The following A1CF variants were observed in gnomAD, a reference collection of about 807,000 sequenced individuals.
A1CF encodes the protein APOBEC-1 stimulating protein.
In A1CF, 48 loss-of-function variants were observed where a neutral mutation model predicts 68.9. The observed-to-expected ratio is 0.70, with a 90% confidence interval of 0.55 to 0.89. The LOEUF is 0.89. A1CF is among the 40% of genes least tolerant of loss of function. The pLI is 0.00. For synonymous variants in A1CF, 272 were observed against 260.4 expected (o/e 1.04, Z -0.43); for missense variants, 653 against 718.9 (o/e 0.91, Z 1.05).
At position 50,874,995 on chromosome 10, in the gene A1CF, C is replaced by G. The variant is rs866933058; in HGVS notation, c.-94+10586G>C. ...AAGCTTCTCAGGTGATAACAATATG[C>G]AGTTGCATCTAGAACAGCTGACTGA... On this transcript the variant is annotated intron_variant, in intron 1 of 12. Transcript: ENST00000373997. Among the ~76,000 whole-genome samples the G allele has an allele frequency of 2.6e-5, 4 of 152,148 alleles. No homozygotes were observed. The South Asian group carries it at 8.3e-4, about 32-fold the overall frequency.
chr10:50,852,043 A>G (rs1302481493), intron 3 of A1CF, among the ~76,000 whole-genome samples: 1 of 152,232 alleles, frequency 6.6e-6, no homozygotes, highest in Non-Finnish European at 1.5e-5. Flanking sequence ...ACTTTAAGAA[A>G]AAGTGTGAAT....
chr10:50,835,953 T>TA, intron 6 of A1CF, 121 bp downstream of exon 6: 5 of 921,536 alleles, frequency 5.4e-6, no homozygotes, highest in Non-Finnish European at 8.1e-6. Flanking sequence ...TGAAGAAGGA[T>TA]AAAAAATTTA....
chr10:50,866,446 A>G lies in A1CF; in HGVS notation c.-93-2366T>C, dbSNP rs567978467. Among the ~76,000 whole-genome samples the G allele has an allele frequency of 3.5e-3, 527 of 152,308 alleles. 1 individual carries two copies. Among genetic ancestry groups the G allele is most frequent in the Middle Eastern group, 6.8e-3 (2 of 294 alleles). On this transcript the variant is annotated intron_variant, in intron 1 of 12. Coordinates refer to ENST00000373997, the MANE Select transcript of A1CF (RefSeq NM_014576.4). Reference sequence around the variant, plus strand: ...CTCGTCACTTGGCTGCAGCTGCTCAATGGAAATTGCCATAGTTCACTATTG... The same window carrying G: ...CTCGTCACTTGGCTGCAGCTGCTCAGTGGAAATTGCCATAGTTCACTATTG...
At chr10:50,850,403 G>A (rs1015813951) in intron 3 of A1CF, among the ~76,000 whole-genome samples, 3 of 152,132 alleles carry the variant, frequency 2.0e-5, no homozygotes, top group African/African-American at 7.2e-5. Flanking sequence ...GCATTCAAAA[G>A]CAAATAGGCT....
chr10:50,854,404 G>T (rs1018227699), intron 3 of A1CF, among the ~76,000 whole-genome samples: 1 of 151,862 alleles, frequency 6.6e-6, no homozygotes, highest in African/African-American at 2.4e-5. Flanking sequence ...ATATAAGAAT[G>T]ATCATAATTT....
At chr10:50,808,105 A>G (rs10740043) in intron 12 of A1CF, among the ~76,000 whole-genome samples, 119,505 of 152,154 alleles carry the variant, frequency 0.79, 47,893 homozygotes, top group East Asian at 0.97. Flanking sequence ...GTGTGTGCAC[A>G]CATGCATGCA....
intron 3 of A1CF, among the ~76,000 whole-genome samples, chr10:50,855,203 C>A (rs1840422362): frequency 6.6e-6 from 1 of 151,764 alleles, no homozygotes; most frequent in Admixed American, 6.6e-5. Context: ...TTAATGCATT[C>A]TTGAGGAAAG....
intron 3 of A1CF, 95 bp from the exon 4 acceptor site, chr10:50,844,217 G>T (rs1319216439): frequency 7.2e-6 from 11 of 1,518,022 alleles, no homozygotes; most frequent in Non-Finnish European, 9.8e-6. Context: ...TCACATTAAT[G>T]AATGTATTTA....
intron 6 of A1CF, among the ~76,000 whole-genome samples, chr10:50,833,696 T>C (rs973048058): frequency 2.6e-5 from 4 of 152,170 alleles, no homozygotes; most frequent in Admixed American, 2.6e-4. Flanking sequence ...AATTCCTTTG[T>C]TGTGGGTGAG....
intron 8 of A1CF, among the ~76,000 whole-genome samples, chr10:50,818,111 T>C (rs1027632314): frequency 6.6e-6 from 1 of 152,190 alleles, no homozygotes; most frequent in Non-Finnish European, 1.5e-5. Context: ...GTTCTGCATA[T>C]GGCTGTCTCC....
Position 50,804,522 on chromosome 10 carries a change from T to C in A1CF, c.*2207A>G, listed in dbSNP as rs1256636390. On this transcript the variant is annotated 3_prime_UTR_variant, in exon 13 of 13. Transcript: ENST00000373997. ...CTCAGTAGAAATTTGCCTGCCCCAA[T>C]GGACATTTGTTATGTCAATGTAATC... is the stretch of plus-strand genomic sequence containing the variant. The C allele has an allele frequency of 1.3e-5, 2 of 152,200 alleles. No individual in the cohort carries two copies. Among genetic ancestry groups the C allele is most frequent in the Non-Finnish European group, 2.9e-5 (2 of 68,004 alleles). 9.4% of individuals were successfully genotyped at this position (152,200 alleles called of 1,614,324 possible).
At chr10:50,850,763 A>C (rs1840204407) in intron 3 of A1CF, 1 of 1,614,194 alleles carries the variant, frequency 6.2e-7, no homozygotes, top group East Asian at 2.2e-5. Flanking sequence ...GGCTCTGGGC[A>C]TGTGCCCAGA....
chr10:50,836,432 A>G, intron 5 of A1CF, 120 bp from the exon 6 acceptor site: 2 of 1,078,704 alleles, frequency 1.9e-6, no homozygotes, highest in Non-Finnish European at 2.6e-6. Context: ...TAGTGTTGAA[A>G]CCATTTTTGG....
At chr10:50,821,663 G>A (rs1838682248) in intron 7 of A1CF, among the ~76,000 whole-genome samples, 1 of 151,860 alleles carries the variant, frequency 6.6e-6, no homozygotes, top group East Asian at 1.9e-4. Context: ...AGCCTCCCGA[G>A]TAGCTGGGAT....
rs1837749607 is a variant in A1CF, at chr10:50,804,869, CT to C, written c.*1859del. 1 of 152,138 alleles carries C rather than the reference CT, an allele frequency of 6.6e-6. No individual in the cohort carries two copies. Among genetic ancestry groups the C allele is most frequent in the South Asian group, 2.1e-4 (1 of 4,828 alleles). 9.4% of individuals were successfully genotyped at this position (152,138 alleles called of 1,614,324 possible). Reference sequence around the variant, plus strand: ...ATCACCTAGGGATCATTAAAAAATACTGATGCCAGGCACCCATCCAAGGAAA... The same window carrying C: ...ATCACCTAGGGATCATTAAAAAATACGATGCCAGGCACCCATCCAAGGAAA... On this transcript the variant is annotated 3_prime_UTR_variant, in exon 13 of 13. Coordinates refer to ENST00000373997, the MANE Select transcript of A1CF (RefSeq NM_014576.4).
rs1371072924 is a variant in A1CF, at chr10:50,800,961, G to A, written c.*5768C>T. On this transcript the variant is annotated 3_prime_UTR_variant, in exon 13 of 13. Coordinates refer to ENST00000373997, the MANE Select transcript of A1CF (RefSeq NM_014576.4). ...AAGACCTGTCTGTTTTGGGATAGAA[G>A]TAACTCAACTCAAGGAAGAAAGAAA... 1 of 152,156 alleles carries A rather than the reference G, an allele frequency of 6.6e-6. No individual in the cohort carries two copies. The highest frequency in any genetic ancestry group is 1.5e-5 in the Non-Finnish European group (1 of 68,040). 9.4% of individuals were successfully genotyped at this position (152,156 alleles called of 1,614,324 possible).
intron 1 of A1CF, among the ~76,000 whole-genome samples, chr10:50,871,052 T>A (rs1041859312): frequency 6.6e-6 from 1 of 151,640 alleles, no homozygotes; most frequent in Non-Finnish European, 1.5e-5. Context: ...TTAAAAAAAA[T>A]CTTCATAAGT....
chr10:50,815,673 A>G (rs1303298501), intron 9 of A1CF, among the ~76,000 whole-genome samples: 1 of 152,220 alleles, frequency 6.6e-6, no homozygotes, highest in Non-Finnish European at 1.5e-5. Flanking sequence ...AATGAGCCAC[A>G]GATGACTACA....
chr10:50,859,383 T>G (rs1840634169), intron 3 of A1CF, among the ~76,000 whole-genome samples: 1 of 152,190 alleles, frequency 6.6e-6, no homozygotes, highest in Admixed American at 6.5e-5. Context: ...CTAGACTGGA[T>G]GAGCAAGTGT....
Sources: gnomAD v4.1 joint callset for allele counts (sites outside exome capture counted in the v4.1 genomes callset) on GRCh38, gnomAD v4.1.1 for gene constraint, MANE v1.5 for transcripts, NCBI Gene and HGNC (gene_info 2026-07-23, HGNC 2026-07-21) for gene names.